The following EML5 variants were observed in gnomAD, a reference collection of about 807,000 sequenced individuals.
EML5 encodes EMAP like 5, also known as echinoderm microtubule-associated protein-like 5.
Under a neutral mutation model 250.0 loss-of-function variants are expected in EML5, and 120 were observed. That is an observed-to-expected ratio of 0.48 (90% CI 0.41 to 0.56). The LOEUF (loss-of-function observed/expected upper bound fraction) is 0.56, where lower values mean the gene tolerates loss of function less well. EML5 is among the 20% of genes least tolerant of loss of function. The pLI is 0.00. For missense variants in EML5, 2,006 were observed against 2,437.6 expected, an observed-to-expected ratio of 0.82 and a Z score of 3.73; for synonymous variants, 771 against 806.5, an observed-to-expected ratio of 0.96 and a Z score of 0.75.
intron 36 of EML5, chr14:88,623,188 G>T (rs2089355430): frequency 6.6e-6 from 1 of 151,588 alleles, no homozygotes; most frequent in Non-Finnish European, 1.5e-5. Flanking sequence ...GCTAATTTCT[G>T]TATTTTTAGT....
intron 21 of EML5, among the ~76,000 whole-genome samples, chr14:88,677,553 A>G (rs1433668084): frequency 7.2e-5 from 11 of 152,256 alleles, no homozygotes; most frequent in Non-Finnish European, 1.2e-4. Flanking sequence ...CAATCTGTCC[A>G]TCTGACAAAG....
rs1275014331 is a variant in EML5, at chr14:88,614,982, TA to T, written c.*835del. On this transcript the variant is annotated 3_prime_UTR_variant, in exon 44 of 44. Coordinates refer to ENST00000554922, the MANE Select transcript of EML5 (RefSeq NM_183387.3). ...CAAATGTGTATATATTAGACTACATTAAATATGCAATTCTTTCTTCCAGTTA... is the reference window on the plus strand; with the variant it reads ...CAAATGTGTATATATTAGACTACATTAATATGCAATTCTTTCTTCCAGTTA... 6.6e-6 allele frequency: 1 copy of T among 152,238 alleles called. No homozygotes were observed. Among genetic ancestry groups the T allele is most frequent in the African/African-American group, 2.4e-5 (1 of 41,476 alleles). The allele number at this position is 152,238 out of a possible 1,614,324, so 9.4% of individuals were successfully genotyped here.
intron 21 of EML5, 137 bp downstream of exon 21, chr14:88,681,753 T>C (rs1222933810): frequency 3.0e-6 from 3 of 1,014,664 alleles, no homozygotes; most frequent in African/African-American, 1.7e-5. Context: ...TGTGGCACCA[T>C]GAGCAAGTAG....
At chr14:88,763,741 G>A (rs548253473) in intron 1 of EML5, among the ~76,000 whole-genome samples, 20 of 152,206 alleles carry the variant, frequency 1.3e-4, no homozygotes, top group African/African-American at 3.1e-4. Context: ...GATGAACATC[G>A]ATGCAAAAAT....
chr14:88,689,503 A>G (rs1266488416), intron 17 of EML5, among the ~76,000 whole-genome samples: 1 of 152,216 alleles, frequency 6.6e-6, no homozygotes, highest in Non-Finnish European at 1.5e-5. Flanking sequence ...GGCCATCATT[A>G]CCTATTGATA....
chr14:88,784,588 A>C (rs922599367), intron 1 of EML5, among the ~76,000 whole-genome samples: 10 of 152,184 alleles, frequency 6.6e-5, no homozygotes, highest in African/African-American at 2.2e-4. Flanking sequence ...TTGAACCAGG[A>C]AGAAATCCAA....
intron 13 of EML5, among the ~76,000 whole-genome samples, chr14:88,703,501 T>A (rs2093258373): frequency 6.6e-6 from 1 of 152,202 alleles, no homozygotes; most frequent in Admixed American, 6.5e-5. Flanking sequence ...TCAATATAAG[T>A]CTATTTATAG....
At chr14:88,697,595 T>C (rs2093108680) in intron 14 of EML5, among the ~76,000 whole-genome samples, 2 of 152,208 alleles carry the variant, frequency 1.3e-5, no homozygotes, top group African/African-American at 4.8e-5. Flanking sequence ...AAACTATCAA[T>C]TCTTAATTAT....
intron 1 of EML5, among the ~76,000 whole-genome samples, chr14:88,778,913 T>C (rs149051334): frequency 6.6e-6 from 1 of 152,364 alleles, no homozygotes; most frequent in East Asian, 1.9e-4. Context: ...TTGTGGTTGG[T>C]TGGAACAATG....
intron 7 of EML5, among the ~76,000 whole-genome samples, chr14:88,731,335 T>C (rs966245300): frequency 6.6e-6 from 1 of 151,610 alleles, no homozygotes; most frequent in Admixed American, 6.6e-5. Context: ...TTTTTGTCCT[T>C]GCGATAGTTT....
In EML5 at chr14:88,661,708, A is replaced by C. The variant is rs2092106832; in HGVS notation, c.3621T>G (p.Val1207=). ...ATCCCAAATCGTCCCCGGTAGCTAG[A>C]ACCATTTTGTCACTGGTGAGGCAAG... ...TASCLTSDKM[V]LATGDDLGFV... The change falls in exon 25 of 44, where the codon GTT becomes GTG. Residue 1207 remains valine (V), a synonymous_variant. Coordinates refer to ENST00000554922, the MANE Select transcript of EML5 (RefSeq NM_183387.3). The C allele has an allele frequency of 4.3e-6, 7 of 1,613,570 alleles. No individual in the cohort carries two copies. The highest frequency in any genetic ancestry group is 1.3e-5 in the African/African-American group (1 of 74,920).
At position 88,692,146 on chromosome 14, in the gene EML5, G is replaced by A. The variant is rs562890424; in HGVS notation, c.2539+2161C>T. Among the ~76,000 whole-genome samples, 25 of 152,202 alleles carry A rather than the reference G, an allele frequency of 1.6e-4. No individual in the cohort carries two copies. The East Asian group carries it at 3.9e-3, about 24-fold the overall frequency. On this transcript the variant is annotated intron_variant, in intron 17 of 43. Coordinates refer to ENST00000554922, the MANE Select transcript of EML5 (RefSeq NM_183387.3). ...TCCCAGCACTTTGGGAGGCCAAGGC[G>A]GGTTGATCACCTGGAGTCAGGGAGT... is the stretch of plus-strand genomic sequence containing the variant.
chr14:88,708,001 T>A (rs1018829099), intron 10 of EML5, among the ~76,000 whole-genome samples: 3 of 152,110 alleles, frequency 2.0e-5, no homozygotes, highest in Non-Finnish European at 2.9e-5. Context: ...AATTAAAGAG[T>A]TATCTCAGCA....
intron 10 of EML5, among the ~76,000 whole-genome samples, chr14:88,707,451 C>A (rs2093337699): frequency 6.6e-6 from 1 of 151,890 alleles, no homozygotes; most frequent in African/African-American, 2.4e-5. Flanking sequence ...AGAATATATT[C>A]TCTATCTCCT....
At chr14:88,682,572 T>C (rs915194415) in intron 20 of EML5, among the ~76,000 whole-genome samples, 1 of 152,258 alleles carries the variant, frequency 6.6e-6, no homozygotes, top group Non-Finnish European at 1.5e-5. Context: ...CCTCATCTGG[T>C]TGGAAACTCC....
intron 6 of EML5, among the ~76,000 whole-genome samples, chr14:88,738,476 C>T (rs2093879369): frequency 6.6e-6 from 1 of 151,482 alleles, no homozygotes; most frequent in Non-Finnish European, 1.5e-5. Context: ...TACACCTATC[C>T]ACATTTAAAT....
chr14:88,639,704 G>A (rs867746669), intron 31 of EML5, among the ~76,000 whole-genome samples: 5 of 152,100 alleles, frequency 3.3e-5, no homozygotes, highest in African/African-American at 1.2e-4. Flanking sequence ...AGCCTCCCAA[G>A]TAGCTGGGAT....
At chr14:88,640,242 T>C (rs972598794) in intron 31 of EML5, among the ~76,000 whole-genome samples, 3 of 152,178 alleles carry the variant, frequency 2.0e-5, no homozygotes, top group Non-Finnish European at 2.9e-5. Context: ...CCATCAACCA[T>C]AGAATATACA....
intron 34 of EML5, 123 bp downstream of exon 34, chr14:88,627,523 T>C (rs997920353): frequency 4.3e-6 from 4 of 939,030 alleles, no homozygotes; most frequent in South Asian, 1.8e-5. Context: ...GTACAGTATA[T>C]TGCATAGGCC....
Sources: allele counts gnomAD v4.1 joint callset (sites outside exome capture counted in the v4.1 genomes callset), GRCh38; gene constraint gnomAD v4.1.1; transcripts MANE v1.5; gene names NCBI Gene and HGNC (gene_info 2026-07-23, HGNC 2026-07-21).